The following CNTNAP2 variants were observed in gnomAD, a reference collection of about 807,000 sequenced individuals.
CNTNAP2 encodes the protein contactin-associated protein-like 2.
CNTNAP2 carries 98 observed loss-of-function variants against 155.2 expected under a neutral mutation model. That is an observed-to-expected ratio of 0.63 (90% CI 0.54 to 0.75). The LOEUF (loss-of-function observed/expected upper bound fraction) is 0.75, where lower values mean the gene tolerates loss of function less well. CNTNAP2 is among the 30% of genes least tolerant of loss of function. The probability of loss-of-function intolerance (pLI) is 0.00; values close to 1 mark genes in which losing one functional copy is unlikely to be tolerated. For synonymous variants in CNTNAP2, 651 were observed against 631.2 expected, an observed-to-expected ratio of 1.03 and a Z score of -0.47; for missense variants, 1,727 against 1,688.1, an observed-to-expected ratio of 1.02 and a Z score of -0.40.
At chr7:148,400,777 C>T (rs937678864) in intron 22 of CNTNAP2, among the ~76,000 whole-genome samples, 3 of 152,216 alleles carry the variant, frequency 2.0e-5, no homozygotes, top group South Asian at 2.1e-4. Flanking sequence ...GTCAGGAGTT[C>T]GAGACCAGCC....
At chr7:147,819,249 T>C (rs1483960817) in intron 13 of CNTNAP2, among the ~76,000 whole-genome samples, 1 of 152,218 alleles carries the variant, frequency 6.6e-6, no homozygotes, top group Non-Finnish European at 1.5e-5. Context: ...AGTTTTGCTG[T>C]AAGCTGTACC....
rs139125225 is a variant in CNTNAP2 at position 147,863,263 on chromosome 7, C to T, written c.2099-40302C>T. 8.3e-3 allele frequency among the ~76,000 whole-genome samples: 1,257 copies of T among 152,248 alleles called. 19 individuals are homozygous for T. The highest frequency in any genetic ancestry group is 0.029 in the African/African-American group (1,187 of 41,542). ...GGCCCTGCAAAGAACATGAACTCATCCTTTTTTATGACTGCGTAGTATTCC... is the reference window on the plus strand; with the variant it reads ...GGCCCTGCAAAGAACATGAACTCATTCTTTTTTATGACTGCGTAGTATTCC... On this transcript the variant is annotated intron_variant, in intron 13 of 23. Transcript: ENST00000361727.
intron 1 of CNTNAP2, among the ~76,000 whole-genome samples, chr7:146,266,500 A>T (rs1293792126): frequency 1.3e-5 from 2 of 152,096 alleles, no homozygotes; most frequent in Non-Finnish European, 2.9e-5. Context: ...GATTTTTTTT[A>T]TTTTGGGAAT....
chr7:147,904,366 A>T (rs1799924034), intron 14 of CNTNAP2, among the ~76,000 whole-genome samples: 1 of 152,198 alleles, frequency 6.6e-6, no homozygotes, highest in African/African-American at 2.4e-5. Flanking sequence ...TGTGTCAGTA[A>T]CAGATAAAGA....
chr7:148,345,462 A>G (rs979829850), intron 21 of CNTNAP2, among the ~76,000 whole-genome samples: 5 of 152,134 alleles, frequency 3.3e-5, no homozygotes, highest in African/African-American at 4.8e-5. Flanking sequence ...TCCCAGGTTC[A>G]AGCAATTCTC....
intron 12 of CNTNAP2, among the ~76,000 whole-genome samples, chr7:147,574,360 A>T (rs1454375157): frequency 6.6e-6 from 1 of 151,850 alleles, no homozygotes; most frequent in Non-Finnish European, 1.5e-5. Context: ...TACGAGTGGG[A>T]GGGTCTTGTT....
intron 8 of CNTNAP2, among the ~76,000 whole-genome samples, chr7:147,223,665 A>C (rs566279170): frequency 6.6e-6 from 1 of 152,324 alleles, no homozygotes; most frequent in East Asian, 1.9e-4. Flanking sequence ...TACAAGGGCC[A>C]GGAGCGGTGG....
intron 10 of CNTNAP2, among the ~76,000 whole-genome samples, chr7:147,409,547 A>G (rs1001710810): frequency 6.6e-6 from 1 of 152,224 alleles, no homozygotes; most frequent in South Asian, 2.1e-4. Context: ...AAATTTGACA[A>G]ACATGATGAA....
chr7:146,289,567 A>C (rs1277082807), intron 1 of CNTNAP2, among the ~76,000 whole-genome samples: 1 of 152,222 alleles, frequency 6.6e-6, no homozygotes, highest in Admixed American at 6.5e-5. Flanking sequence ...CCATTGTGGT[A>C]TAAAATCAAC....
At chr7:146,582,981 C>A (rs879768937) in intron 1 of CNTNAP2, among the ~76,000 whole-genome samples, 1 of 150,754 alleles carries the variant, frequency 6.6e-6, no homozygotes, top group Admixed American at 6.6e-5. Context: ...TAATAGATAA[C>A]GAGGCAACAC....
intron 1 of CNTNAP2, among the ~76,000 whole-genome samples, chr7:146,284,832 A>C (rs1800301978): frequency 6.6e-6 from 1 of 152,156 alleles, no homozygotes; most frequent in Non-Finnish European, 1.5e-5. Flanking sequence ...CTCGTCTCTG[A>C]TCAGGGACTC....
intron 3 of CNTNAP2, among the ~76,000 whole-genome samples, chr7:146,951,234 T>C (rs866340248): frequency 2.6e-5 from 4 of 152,192 alleles, no homozygotes; most frequent in Admixed American, 1.3e-4. Flanking sequence ...TTTTCTCCCA[T>C]TCTACAGGTT....
intron 3 of CNTNAP2, among the ~76,000 whole-genome samples, chr7:146,937,202 A>G (rs943590544): frequency 5.3e-5 from 8 of 152,002 alleles, no homozygotes; most frequent in African/African-American, 1.9e-4. Context: ...CCTGGCTAAC[A>G]CAGTGAAACC....
intron 4 of CNTNAP2, among the ~76,000 whole-genome samples, chr7:147,067,469 C>G (rs981452508): frequency 6.6e-6 from 1 of 152,004 alleles, no homozygotes; most frequent in African/African-American, 2.4e-5. Context: ...CTACTAAACT[C>G]AAAAAACTGT....
chr7:147,793,062 G>A (rs185004875), intron 13 of CNTNAP2, among the ~76,000 whole-genome samples: 1 of 152,120 alleles, frequency 6.6e-6, no homozygotes, highest in Admixed American at 6.5e-5. Flanking sequence ...CTTTATTAAT[G>A]AGTTGTAAGA....
chr7:146,182,329 C>A (rs1460170718), intron 1 of CNTNAP2, among the ~76,000 whole-genome samples: 1 of 152,064 alleles, frequency 6.6e-6, no homozygotes, highest in Admixed American at 6.6e-5. Context: ...CCCACAGTAA[C>A]ACTCCTGAAA....
intron 1 of CNTNAP2, among the ~76,000 whole-genome samples, chr7:146,484,972 T>C (rs1486863215): frequency 6.6e-6 from 1 of 152,178 alleles, no homozygotes; most frequent in Non-Finnish European, 1.5e-5. Flanking sequence ...TGGCAAAAGA[T>C]AAAAAAGCTT....
chr7:148,172,015 T>A (rs1443935080), intron 17 of CNTNAP2, among the ~76,000 whole-genome samples: 1 of 152,238 alleles, frequency 6.6e-6, no homozygotes, highest in Non-Finnish European at 1.5e-5. Flanking sequence ...AATATTTTAT[T>A]TCTGTAGGAA....
chr7:147,461,602 T>G (rs945332249), intron 10 of CNTNAP2, among the ~76,000 whole-genome samples: 2 of 152,162 alleles, frequency 1.3e-5, no homozygotes, highest in Non-Finnish European at 2.9e-5. Flanking sequence ...TGAGATGAAT[T>G]CTTTTCTTGA....
Sources: allele counts gnomAD v4.1 joint callset (sites outside exome capture counted in the v4.1 genomes callset), GRCh38; gene constraint gnomAD v4.1.1; transcripts MANE v1.5; gene names NCBI Gene and HGNC (gene_info 2026-07-23, HGNC 2026-07-21).